Variants in BLTP1 observed in about 807,000 individuals in gnomAD.
The protein encoded by BLTP1 is bridge-like lipid transfer protein family member 1, also known as fragile site-associated protein.
the BLTP1 span, chr4:122,293,148 A>G: frequency 1.2e-5 from 12 of 978,930 alleles, no homozygotes; most frequent in Admixed American, 1.8e-4. Context: ...TTATATATTT[A>G]TGCCATACTA....
chr4:122,208,940 G>C, the BLTP1 span, among the ~76,000 whole-genome samples: 1 of 140,836 alleles, frequency 7.1e-6, no homozygotes, highest in East Asian at 2.1e-4. Flanking sequence ...CTTGAGTGCA[G>C]GAGTTCAAGG....
the BLTP1 span, among the ~76,000 whole-genome samples, chr4:122,295,625 A>C: frequency 1.3e-5 from 2 of 152,164 alleles, no homozygotes; most frequent in Non-Finnish European, 2.9e-5. Context: ...CCTAAACCTG[A>C]CATAGATACG....
the BLTP1 span, chr4:122,287,508 T>C: frequency 1.1e-6 from 1 of 904,708 alleles, no homozygotes; most frequent in Non-Finnish European, 1.3e-6. Flanking sequence ...AGCCACGCCT[T>C]AGTGGTCTGC....
the BLTP1 span, among the ~76,000 whole-genome samples, chr4:122,341,091 G>A: frequency 6.6e-6 from 1 of 152,074 alleles, no homozygotes; most frequent in Admixed American, 6.6e-5. Context: ...TTGAGATTCT[G>A]TGGGTTATTT....
chr4:122,347,613 G>A, the BLTP1 span: 2 of 1,613,838 alleles, frequency 1.2e-6, no homozygotes, highest in Admixed American at 3.3e-5. Flanking sequence ...AGACCTGGGA[G>A]CAGCCAAGTC....
At chr4:122,249,388 T>C in the BLTP1 span, 3 of 1,517,132 alleles carry the variant, frequency 2.0e-6, no homozygotes, top group Non-Finnish European at 2.6e-6. Flanking sequence ...AAGATATCTT[T>C]TAAAGACAAC....
the BLTP1 span, among the ~76,000 whole-genome samples, chr4:122,241,249 T>C: frequency 6.6e-6 from 1 of 152,178 alleles, no homozygotes; most frequent in Non-Finnish European, 1.5e-5. Flanking sequence ...ACTGCCTTCC[T>C]AAAGCCCTGA....
chr4:122,274,145 A>G, the BLTP1 span: 2 of 154,690 alleles, frequency 1.3e-5, no homozygotes, highest in Non-Finnish European at 2.8e-5. Flanking sequence ...TTTAATATGT[A>G]TGTATGTATT....
chr4:122,281,762 C>T, the BLTP1 span: 2 of 1,542,270 alleles, frequency 1.3e-6, no homozygotes. Flanking sequence ...AATGAGAAGT[C>T]ATGGAATGAC....
the BLTP1 span, among the ~76,000 whole-genome samples, chr4:122,156,396 G>C: frequency 1.3e-5 from 2 of 152,330 alleles, no homozygotes; most frequent in South Asian, 4.1e-4. Flanking sequence ...AGGGAAGTAA[G>C]ATTGGGTAAG....
chr4:122,207,544 A>G, the BLTP1 span: 1 of 1,467,662 alleles, frequency 6.8e-7, no homozygotes, highest in Admixed American at 1.9e-5. Flanking sequence ...TTTGTAGTGT[A>G]TCTGGCAGCC....
the BLTP1 span, among the ~76,000 whole-genome samples, chr4:122,358,148 A>G: frequency 1.3e-5 from 2 of 152,176 alleles, no homozygotes; most frequent in African/African-American, 4.8e-5. Flanking sequence ...TTTTGTTTTT[A>G]TGCCTTAATA....
the BLTP1 span, chr4:122,207,777 T>G: frequency 9.8e-7 from 1 of 1,020,690 alleles, no homozygotes; most frequent in Non-Finnish European, 1.3e-6. Context: ...CTACTACCTT[T>G]AGTGTCACAG....
the BLTP1 span, chr4:122,261,732 C>T: frequency 1.0e-6 from 1 of 979,980 alleles, no homozygotes; most frequent in Non-Finnish European, 1.2e-6. Context: ...TTTTCTTCAT[C>T]CTTTAGGACA....
the BLTP1 span, chr4:122,336,927 T>A: frequency 1.9e-6 from 3 of 1,611,268 alleles, no homozygotes; most frequent in African/African-American, 2.7e-5. Context: ...AAATACCAGA[T>A]CCTATGGAAG....
At chr4:122,291,903 AT>A in the BLTP1 span, 1 of 834,854 alleles carries the variant, frequency 1.2e-6, no homozygotes, top group South Asian at 5.5e-5. Flanking sequence ...GATAAAAGGT[AT>A]TCAAGGTTGT....
chr4:122,309,990 C>T, the BLTP1 span, among the ~76,000 whole-genome samples: 56 of 151,962 alleles, frequency 3.7e-4, no homozygotes, highest in African/African-American at 1.3e-3. Context: ...ATTGAAGATA[C>T]GGAATTTATT....
chr4:122,243,855 A>G, the BLTP1 span: 1 of 1,569,858 alleles, frequency 6.4e-7, no homozygotes. Flanking sequence ...ATTGTATAGT[A>G]CGCCGTATAC....
At chr4:122,209,504 G>A in the BLTP1 span, 1 of 272,276 alleles carries the variant, frequency 3.7e-6, no homozygotes, top group Admixed American at 6.5e-5. Context: ...AATTAGCTGG[G>A]CATCATGGCG....
Sources: gnomAD v4.1 joint callset for allele counts (sites outside exome capture counted in the v4.1 genomes callset) on GRCh38, gnomAD v4.1.1 for gene constraint, MANE v1.5 for transcripts, NCBI Gene and HGNC (gene_info 2026-07-23, HGNC 2026-07-21) for gene names.